Variants in LBP observed in about 807,000 individuals in gnomAD.
LBP encodes lipopolysaccharide-binding protein.
A neutral mutation model predicts 56.6 loss-of-function variants in LBP; 53 were observed. The ratio of observed to expected loss-of-function variants is 0.94; its 90% CI spans 0.75 to 1.18. The LOEUF (loss-of-function observed/expected upper bound fraction) is 1.18. Ranked by LOEUF, LBP falls within the 50% of genes most tolerant of loss-of-function variation. The probability of loss-of-function intolerance (pLI) is 0.00; values close to 1 mark genes in which losing one functional copy is unlikely to be tolerated. For missense variants in LBP, 601 were observed against 598.3 expected (o/e 1.00, Z -0.05); for synonymous variants, 227 against 247.5 (o/e 0.92, Z 0.78).
At chr20:38,369,397 T>C (rs2076893892) in intron 10 of LBP, among the ~76,000 whole-genome samples, 1 of 152,230 alleles carries the variant, frequency 6.6e-6, no homozygotes, top group African/African-American at 2.4e-5. Flanking sequence ...ACTACAAAGA[T>C]ACTTTGTAGC....
At chr20:38,356,297 C>A (rs2076839457) in intron 5 of LBP, among the ~76,000 whole-genome samples, 1 of 138,576 alleles carries the variant, frequency 7.2e-6, no homozygotes, top group East Asian at 2.2e-4. Flanking sequence ...ACCACACACA[C>A]CCTACACACA....
At chr20:38,375,880 C>T (rs778263128) in intron 14 of LBP, among the ~76,000 whole-genome samples, 28 of 152,180 alleles carry the variant, frequency 1.8e-4, no homozygotes, top group Non-Finnish European at 4.0e-4. Context: ...CCTAGAAACA[C>T]TGGCCAACTG....
chr20:38,370,710 A>G (rs1568835876), intron 10 of LBP, 28 bp from the exon 11 acceptor site: 1 of 1,601,782 alleles, frequency 6.2e-7, no homozygotes, highest in Admixed American at 1.7e-5. Flanking sequence ...CATCACTTAC[A>G]CCTGCTTCCT....
intron 12 of LBP, among the ~76,000 whole-genome samples, chr20:38,371,908 C>A (rs1234323309): frequency 6.6e-5 from 10 of 151,938 alleles, no homozygotes; most frequent in African/African-American, 2.4e-4. Context: ...CAGAAGTCAG[C>A]CCAGCATGGA....
chr20:38,355,247 G>T, intron 4 of LBP, 99 bp from the exon 5 acceptor site: 5 of 1,044,774 alleles, frequency 4.8e-6, no homozygotes, highest in Non-Finnish European at 7.5e-6. Flanking sequence ...GGTGGAGAGG[G>T]CTCCCTTTGT....
rs112924468 is a variant in LBP, at chr20:38,370,686, A to G, written c.1150-52A>G. The G allele has an allele frequency of 1.1e-4, 162 of 1,494,638 alleles. 5 individuals are homozygous for G. In the African/African-American group the frequency reaches 1.3e-3, roughly 12 times the overall value. The allele number at this position is 1,494,638 out of a possible 1,614,324, so 92.6% of individuals were successfully genotyped here. A position where few individuals can be genotyped will look rare whatever the true frequency, so the allele number is the denominator to read the frequency against. On this transcript the variant is annotated intron_variant, in intron 10 of 14. Transcript: ENST00000217407. ...TTGGTCCCTCGTCATCATCCTTCCT[A>G]TACATACAACCTTCATCACTTACAC...
Position 38,354,435 on chromosome 20 carries a change from T to G in LBP, c.520T>G (p.Leu174Val). 3 of 1,610,270 alleles carry G rather than the reference T, an allele frequency of 1.9e-6. No homozygotes were observed. Residue 174 changes from leucine to valine, a missense_variant, in exon 4 of 15, where the codon TTG becomes GTG. Physicochemically the swap from Leu to Val is conservative, Grantham distance 32 (BLOSUM62 1). Coordinates refer to ENST00000217407, the MANE Select transcript of LBP (RefSeq NM_004139.5). ...ADVEVDMSGD[L>V]GWLLNLFHNQ... ...CGTGGAGGTGGACATGTCGGGAGACTTGGGGTAGGTCTCCATCGGGGCACT... is the reference window on the plus strand; with the variant it reads ...CGTGGAGGTGGACATGTCGGGAGACGTGGGGTAGGTCTCCATCGGGGCACT...
intron 4 of LBP, 130 bp from the exon 5 acceptor site, chr20:38,355,216 C>T (rs1027819170): frequency 1.3e-6 from 1 of 773,096 alleles, no homozygotes; most frequent in Non-Finnish European, 2.2e-6. Context: ...TGTGCTGGGA[C>T]ACAGCAGGGC....
intron 9 of LBP, among the ~76,000 whole-genome samples, chr20:38,367,363 A>G (rs559064661): frequency 3.0e-4 from 46 of 152,232 alleles, no homozygotes; most frequent in South Asian, 6.2e-4. Flanking sequence ...CTGAGGTGGG[A>G]AGATCACCTG....
chr20:38,346,521 G>A lies in LBP; in HGVS notation c.5G>A (p.Gly2Glu). M[G>E]ALARALPSIL... The stretch of plus-strand genomic sequence containing the variant: ...CCACTGCACTGGGAATCTAGGATGG[G>A]GGCCTTGGCCAGAGCCCTGCCGTCC... Residue 2 changes from glycine (G) to glutamate (E), a missense_variant, in exon 1 of 15, where the codon GGG becomes GAG. Physicochemically the swap from Gly to Glu is moderately conservative, Grantham distance 98. Coordinates refer to ENST00000217407, the MANE Select transcript of LBP (RefSeq NM_004139.5). The A allele has an allele frequency of 6.2e-7, 1 of 1,613,470 alleles. No homozygotes were observed. Among genetic ancestry groups the A allele is most frequent in the Non-Finnish European group, 8.5e-7 (1 of 1,179,904 alleles).
chr20:38,348,771 TAG>T (rs2076809933), intron 1 of LBP, among the ~76,000 whole-genome samples: 6 of 121,556 alleles, frequency 4.9e-5, no homozygotes, highest in African/African-American at 1.5e-4. Context: ...TAGTTTAGTT[TAG>T]TTTAGTTTAG....
At chr20:38,372,804 A>G (rs905197130) in intron 12 of LBP, among the ~76,000 whole-genome samples, 12 of 152,170 alleles carry the variant, frequency 7.9e-5, no homozygotes, top group African/African-American at 2.4e-4. Context: ...TTCTCACTGT[A>G]AATAAAACCG....
At chr20:38,346,828 T>C (rs1388474628) in intron 1 of LBP, among the ~76,000 whole-genome samples, 188 bp downstream of exon 1, 1 of 152,218 alleles carries the variant, frequency 6.6e-6, no homozygotes. Flanking sequence ...GGGCATGTTA[T>C]TTGTGGTAGT....
At chr20:38,350,357 T>C (rs1444657124) in intron 2 of LBP, among the ~76,000 whole-genome samples, 1 of 152,170 alleles carries the variant, frequency 6.6e-6, no homozygotes, top group East Asian at 1.9e-4. Flanking sequence ...TTGCTGACTT[T>C]TTTGGGGTCT....
At position 38,373,948 on chromosome 20, in the gene LBP, G is replaced by A. The variant is rs774841468; in HGVS notation, c.1336G>A (p.Glu446Lys). The A allele has an allele frequency of 1.7e-5, 27 of 1,613,946 alleles. No individual in the cohort carries two copies. Among genetic ancestry groups the A allele is most frequent in the Middle Eastern group, 1.6e-4 (1 of 6,080 alleles). ...GCTTCAACCTCTAGATAAGTTGGCC[G>A]AAGGCTTCCCCCTTCCTCTGCTGAA... ...FYPKFNDKLA[E>K]GFPLPLLKRV... Residue 446 changes from glutamate (E) to lysine (K), a missense_variant, in exon 14 of 15, where the codon GAA becomes AAA. By Grantham distance (56) the Glu-to-Lys change is moderately conservative. Transcript: ENST00000217407.
chr20:38,356,837 G>C (rs767465319), intron 5 of LBP, among the ~76,000 whole-genome samples: 1 of 151,962 alleles, frequency 6.6e-6, no homozygotes, highest in Non-Finnish European at 1.5e-5. Flanking sequence ...AGCAGTTCAC[G>C]TGCACAGTCC....
chr20:38,363,541 T>A (rs1459225893), intron 6 of LBP, among the ~76,000 whole-genome samples: 1 of 152,188 alleles, frequency 6.6e-6, no homozygotes, highest in Non-Finnish European at 1.5e-5. Flanking sequence ...ACATCACCTT[T>A]ACCAGAGGTC....
chr20:38,364,038 C>G lies in LBP; in HGVS notation c.716C>G (p.Thr239Arg). 1 of 1,613,686 alleles carries G rather than the reference C, an allele frequency of 6.2e-7. No individual in the cohort carries two copies. Among genetic ancestry groups the G allele is most frequent in the Non-Finnish European group, 8.5e-7 (1 of 1,179,618 alleles). Residue 239 changes from threonine (T) to arginine (R), a missense_variant, in exon 7 of 15, where the codon ACA becomes AGA. Physicochemically the swap from Thr to Arg is moderately conservative, Grantham distance 71 (BLOSUM62 -1). Coordinates refer to ENST00000217407, the MANE Select transcript of LBP (RefSeq NM_004139.5). ...AGCTTAGTGGAAGCCCCTCGGGCAACAGCCCAGATGCTGGAGGTGATGTTT... is the reference window on the plus strand; with the variant it reads ...AGCTTAGTGGAAGCCCCTCGGGCAAGAGCCCAGATGCTGGAGGTGATGTTT... ...DYSLVEAPRA[T>R]AQMLEVMFKG...
intron 5 of LBP, among the ~76,000 whole-genome samples, chr20:38,360,063 C>A (rs2076854191): frequency 6.6e-6 from 1 of 152,044 alleles, no homozygotes; most frequent in Non-Finnish European, 1.5e-5. Context: ...ACCAGCCTGG[C>A]CAACATGGTG....
Sources: gnomAD v4.1 joint callset for allele counts (sites outside exome capture counted in the v4.1 genomes callset) on GRCh38, gnomAD v4.1.1 for gene constraint, MANE v1.5 for transcripts, NCBI Gene and HGNC (gene_info 2026-07-23, HGNC 2026-07-21) for gene names.